The following KLF8 variants were observed in gnomAD, a reference collection of about 807,000 sequenced individuals.
The protein encoded by KLF8 is KLF transcription factor 8.
A neutral mutation model predicts 18.2 loss-of-function variants in KLF8; 10 were observed. The observed-to-expected ratio is 0.55, with a 90% CI of 0.34 to 0.93. KLF8 has a LOEUF of 0.93. Among genes scored for constraint, KLF8 ranks in the 40% least tolerant of loss-of-function variants. KLF8 has a pLI of 0.02. For synonymous variants in KLF8, 109 were observed against 97.3 expected, an observed-to-expected ratio of 1.12 and a Z score of -0.71; for missense variants, 264 against 277.9, an observed-to-expected ratio of 0.95 and a Z score of 0.36.
the KLF8 span, among the ~76,000 whole-genome samples, chrX:56,132,840 C>A: frequency 0.043 from 4,765 of 111,113 alleles, 256 homozygotes; most frequent in African/African-American, 0.15. Flanking sequence ...GATATTACAA[C>A]CAGCACCATA....
chrX:55,954,014 A>G, the KLF8 span, among the ~76,000 whole-genome samples: 2 of 109,871 alleles, frequency 1.8e-5, no homozygotes, highest in African/African-American at 6.6e-5. Flanking sequence ...AGTAAGTGAA[A>G]TAACCCATAG....
At chrX:56,022,345 G>A in the KLF8 span, among the ~76,000 whole-genome samples, 9 of 109,269 alleles carry the variant, frequency 8.2e-5, no homozygotes, top group Non-Finnish European at 1.5e-4. Flanking sequence ...AGGAGATCGA[G>A]ACCATCCTGG....
At chrX:55,995,285 C>A in the KLF8 span, among the ~76,000 whole-genome samples, 17 of 112,466 alleles carry the variant, frequency 1.5e-4, no homozygotes, top group East Asian at 4.5e-3. Context: ...TGTGTCATTG[C>A]ATGTTAGACG....
At chrX:55,996,987 A>C in the KLF8 span, among the ~76,000 whole-genome samples, 1 of 111,921 alleles carries the variant, frequency 8.9e-6, no homozygotes, top group East Asian at 2.8e-4. Flanking sequence ...GTCTGTGTAC[A>C]TGCACTCACC....
the KLF8 span, among the ~76,000 whole-genome samples, chrX:56,080,436 G>A: frequency 9.0e-6 from 1 of 110,947 alleles, no homozygotes; most frequent in South Asian, 3.8e-4. Context: ...ATGAAATTCT[G>A]GGTTGAAAAT....
the KLF8 span, among the ~76,000 whole-genome samples, chrX:56,202,843 T>A: frequency 2.7e-5 from 3 of 111,268 alleles, no homozygotes; most frequent in South Asian, 1.1e-3. Context: ...GGCTGTTAGG[T>A]CCCTTCCAAA....
intron 2 of KLF8, among the ~76,000 whole-genome samples, chrX:56,261,670 T>C (rs2066884475): frequency 9.0e-6 from 1 of 111,333 alleles, no homozygotes; most frequent in Non-Finnish European, 1.9e-5. Flanking sequence ...TCTATAAAGA[T>C]AAGGTAAAGC....
At chrX:56,211,078 G>T in the KLF8 span, among the ~76,000 whole-genome samples, 6 of 111,321 alleles carry the variant, frequency 5.4e-5, no homozygotes, top group African/African-American at 9.8e-5. Flanking sequence ...CCTATCTGGT[G>T]TAGATGCTAG....
the KLF8 span, among the ~76,000 whole-genome samples, chrX:55,967,633 G>A: frequency 3.6e-5 from 4 of 111,663 alleles, no homozygotes; most frequent in South Asian, 7.4e-4. Context: ...CTATCAGAAA[G>A]GAAAGGACAT....
chrX:56,179,008 C>T, the KLF8 span, among the ~76,000 whole-genome samples: 1 of 111,791 alleles, frequency 8.9e-6, no homozygotes, highest in Non-Finnish European at 1.9e-5. Context: ...CAGTTTTTTT[C>T]AATTCTGTGA....
At chrX:56,051,374 T>C in the KLF8 span, among the ~76,000 whole-genome samples, 2 of 111,112 alleles carry the variant, frequency 1.8e-5, no homozygotes, top group Non-Finnish European at 3.8e-5. Context: ...CGATGGTCTT[T>C]ACATTTTGGC....
intron 5 of KLF8, among the ~76,000 whole-genome samples, chrX:56,272,657 A>G (rs1023457978): frequency 1.2e-4 from 13 of 111,008 alleles, no homozygotes; most frequent in Non-Finnish European, 2.3e-4. Flanking sequence ...TTGACTTACA[A>G]TAGGCTTAGT....
the KLF8 span, among the ~76,000 whole-genome samples, chrX:56,213,586 G>A: frequency 9.1e-6 from 1 of 110,100 alleles, no homozygotes; most frequent in South Asian, 3.9e-4. Flanking sequence ...GCCTCTCAAA[G>A]TGCTGGGATA....
intron 1 of KLF8, among the ~76,000 whole-genome samples, chrX:56,234,053 A>C (rs2066440489): frequency 9.1e-6 from 1 of 109,913 alleles, no homozygotes; most frequent in South Asian, 3.9e-4. Flanking sequence ...CACTTGGCGG[A>C]GCTGTCTTTT....
chrX:56,132,273 A>T, the KLF8 span, among the ~76,000 whole-genome samples: 1 of 111,852 alleles, frequency 8.9e-6, no homozygotes, highest in Non-Finnish European at 1.9e-5. Flanking sequence ...GAAAATTGAA[A>T]TTACATCAAG....
At chrX:55,972,383 C>A in the KLF8 span, among the ~76,000 whole-genome samples, 1 of 110,432 alleles carries the variant, frequency 9.1e-6, no homozygotes, top group Non-Finnish European at 1.9e-5. Flanking sequence ...TTACAAGAAG[C>A]TTGAAAGGGT....
the KLF8 span, among the ~76,000 whole-genome samples, chrX:56,079,627 T>G: frequency 3.5e-4 from 39 of 111,792 alleles, no homozygotes; most frequent in South Asian, 1.8e-3. Flanking sequence ...TGTTGATTTG[T>G]GGTGGAGAGT....
the KLF8 span, chrX:55,908,347 G>A: frequency 7.0e-6 from 2 of 286,007 alleles, no homozygotes; most frequent in African/African-American, 2.8e-5. Flanking sequence ...AGCCTAAGTG[G>A]GACGAACAAC....
At chrX:56,104,926 A>T in the KLF8 span, among the ~76,000 whole-genome samples, 2 of 111,557 alleles carry the variant, frequency 1.8e-5, no homozygotes, top group African/African-American at 6.5e-5. Flanking sequence ...CTTTGTTCTG[A>T]TTGATATCAA....
Sources: allele counts gnomAD v4.1 joint callset (sites outside exome capture counted in the v4.1 genomes callset), GRCh38; gene constraint gnomAD v4.1.1; transcripts MANE v1.5; gene names NCBI Gene and HGNC (gene_info 2026-07-23, HGNC 2026-07-21).